ASIC2: variants seen among roughly 807,000 people sequenced by gnomAD.
ASIC2 encodes the protein acid-sensing ion channel 2.
A neutral mutation model predicts 57.3 loss-of-function variants in ASIC2; 25 were observed. The observed-to-expected ratio is 0.44, with a 90% CI of 0.32 to 0.61. The LOEUF (loss-of-function observed/expected upper bound fraction) is 0.61, where lower values mean the gene tolerates loss of function less well. ASIC2 is among the 20% of genes least tolerant of loss of function. ASIC2 has a pLI of 0.06. For missense variants in ASIC2, 641 were observed against 738.1 expected (o/e 0.87, Z 1.52); for synonymous variants, 319 against 307.5 (o/e 1.04, Z -0.39).
chr17:33,341,832 G>A (rs895909889), intron 1 of ASIC2, among the ~76,000 whole-genome samples: 1 of 152,150 alleles, frequency 6.6e-6, no homozygotes, highest in Non-Finnish European at 1.5e-5. Flanking sequence ...ACTAGAGGGG[G>A]CTCTGAGGAA....
At chr17:33,768,209 G>C (rs1227791358) in intron 1 of ASIC2, among the ~76,000 whole-genome samples, 1 of 151,876 alleles carries the variant, frequency 6.6e-6, no homozygotes, top group Non-Finnish European at 1.5e-5. Flanking sequence ...TATTAGAGAT[G>C]GGGTTTCACC....
intron 1 of ASIC2, among the ~76,000 whole-genome samples, chr17:33,288,598 T>C (rs1905287654): frequency 6.6e-6 from 1 of 151,926 alleles, no homozygotes; most frequent in Non-Finnish European, 1.5e-5. Flanking sequence ...AAGCAGACAA[T>C]GGGATGCAGG....
At chr17:33,951,741 C>A (rs998316518) in intron 1 of ASIC2, among the ~76,000 whole-genome samples, 1 of 145,586 alleles carries the variant, frequency 6.9e-6, no homozygotes, top group African/African-American at 2.5e-5. Context: ...TGCCACCACG[C>A]CTGGCTAATT....
At chr17:33,149,799 A>T (rs547525768) in intron 1 of ASIC2, among the ~76,000 whole-genome samples, 1 of 152,120 alleles carries the variant, frequency 6.6e-6, no homozygotes, top group Non-Finnish European at 1.5e-5. Context: ...TCATATTTTA[A>T]TTAGCCATCT....
chr17:33,967,460 C>T (rs1429790412), intron 1 of ASIC2, among the ~76,000 whole-genome samples: 1 of 152,154 alleles, frequency 6.6e-6, no homozygotes, highest in African/African-American at 2.4e-5. Flanking sequence ...ATCTTGAACT[C>T]CGAAACTCAA....
chr17:33,970,407 A>T (rs1905195157), intron 1 of ASIC2, among the ~76,000 whole-genome samples: 1 of 152,192 alleles, frequency 6.6e-6, no homozygotes, highest in Non-Finnish European at 1.5e-5. Flanking sequence ...TGCACTTGGA[A>T]CACATCCCAG....
intron 1 of ASIC2, among the ~76,000 whole-genome samples, chr17:33,185,761 C>CTGTA (rs1906167759): frequency 6.6e-6 from 1 of 152,202 alleles, no homozygotes; most frequent in South Asian, 2.1e-4. Context: ...GGAAGAGCCA[C>CTGTA]TGTAGGTGGA....
chr17:33,331,999 A>G (rs770273004), intron 1 of ASIC2, among the ~76,000 whole-genome samples: 14 of 152,260 alleles, frequency 9.2e-5, no homozygotes, highest in Admixed American at 6.5e-4. Flanking sequence ...TGGGGCATAC[A>G]TCATAGAACA....
intron 2 of ASIC2, among the ~76,000 whole-genome samples, chr17:33,095,333 C>T (rs527944123): frequency 4.4e-4 from 67 of 152,330 alleles, no homozygotes; most frequent in African/African-American, 1.6e-3. Context: ...TCCCTCCATT[C>T]GGTGCCCCAA....
intron 1 of ASIC2, among the ~76,000 whole-genome samples, chr17:33,967,600 C>A (rs952596987): frequency 1.3e-5 from 2 of 152,182 alleles, no homozygotes; most frequent in African/African-American, 4.8e-5. Flanking sequence ...CCCACTGTTA[C>A]CTTATAAAGT....
intron 1 of ASIC2, among the ~76,000 whole-genome samples, chr17:33,610,538 A>G (rs1905371262): frequency 1.3e-5 from 2 of 151,908 alleles, no homozygotes; most frequent in African/African-American, 2.4e-5. Flanking sequence ...TTTTTTGGAC[A>G]TAACAAAAGG....
At chr17:33,423,358 A>T (rs1353426612) in intron 1 of ASIC2, among the ~76,000 whole-genome samples, 1 of 152,162 alleles carries the variant, frequency 6.6e-6, no homozygotes, top group Non-Finnish European at 1.5e-5. Context: ...TGACTGGGGA[A>T]CTACAGGCTG....
intron 1 of ASIC2, chr17:33,534,629 T>C (rs571260597): frequency 6.6e-6 from 1 of 152,330 alleles, no homozygotes; most frequent in South Asian, 2.1e-4. Context: ...TATGTATTGT[T>C]ATCCATCACC....
At chr17:33,104,744 G>A (rs895054972) in intron 2 of ASIC2, among the ~76,000 whole-genome samples, 2 of 152,188 alleles carry the variant, frequency 1.3e-5, no homozygotes, top group Admixed American at 1.3e-4. Flanking sequence ...TATTTTCATG[G>A]CAGGGCTTTT....
intron 1 of ASIC2, among the ~76,000 whole-genome samples, chr17:33,715,587 C>A (rs560824247): frequency 3.9e-5 from 6 of 152,274 alleles, no homozygotes; most frequent in African/African-American, 1.4e-4. Context: ...GGCAGAACAT[C>A]CTTAGATCTG....
chr17:33,986,728 C>T (rs1486865522), intron 1 of ASIC2, among the ~76,000 whole-genome samples: 1 of 151,932 alleles, frequency 6.6e-6, no homozygotes, highest in Non-Finnish European at 1.5e-5. Flanking sequence ...CATATTTAAC[C>T]CTCAGAGTAA....
chr17:33,224,254 A>G (rs796365681), intron 1 of ASIC2, among the ~76,000 whole-genome samples: 12 of 152,336 alleles, frequency 7.9e-5, no homozygotes, highest in African/African-American at 2.9e-4. Context: ...TGGGCTTTGA[A>G]TTATTCATGA....
At chr17:33,429,460 G>A (rs1911329506) in intron 1 of ASIC2, among the ~76,000 whole-genome samples, 2 of 151,774 alleles carry the variant, frequency 1.3e-5, no homozygotes, top group African/African-American at 4.8e-5. Context: ...GCGTGATCTC[G>A]GCTCACTGCA....
intron 1 of ASIC2, among the ~76,000 whole-genome samples, chr17:33,599,309 G>A (rs987377585): frequency 2.6e-5 from 4 of 152,228 alleles, no homozygotes; most frequent in African/African-American, 9.6e-5. Flanking sequence ...CAACCCTGAA[G>A]GTTGGGGAGG....
Sources: gnomAD v4.1 joint callset for allele counts (sites outside exome capture counted in the v4.1 genomes callset) on GRCh38, gnomAD v4.1.1 for gene constraint, MANE v1.5 for transcripts, NCBI Gene and HGNC (gene_info 2026-07-23, HGNC 2026-07-21) for gene names.